Variants in SNX30 observed in about 807,000 individuals in gnomAD.
SNX30 encodes sorting nexin family member 30.
A neutral mutation model predicts 46.4 loss-of-function variants in SNX30; 24 were observed. That is an observed-to-expected ratio of 0.52 (90% CI 0.37 to 0.73). SNX30 has a LOEUF of 0.73. Among genes scored for constraint, SNX30 ranks in the 30% least tolerant of loss-of-function variants. The pLI is 0.00. For missense variants in SNX30, 533 were observed against 555.7 expected, an observed-to-expected ratio of 0.96 and a Z score of 0.41; for synonymous variants, 189 against 211.5, an observed-to-expected ratio of 0.89 and a Z score of 0.92.
intron 5 of SNX30, among the ~76,000 whole-genome samples, chr9:112,838,257 T>C (rs1840795663): frequency 6.6e-6 from 1 of 152,192 alleles, no homozygotes; most frequent in Non-Finnish European, 1.5e-5. Context: ...AGGCCCATTA[T>C]CCAGAGGGAT....
intron 1 of SNX30, among the ~76,000 whole-genome samples, chr9:112,786,116 CCTT>C (rs1839919983): frequency 1.5e-5 from 1 of 65,874 alleles, no homozygotes; most frequent in Admixed American, 2.6e-4. Context: ...TAGGAGCTGT[CCTT>C]TTTTTTTTTT....
At chr9:112,851,080 C>A in intron 7 of SNX30, 135 bp downstream of exon 7, 1 of 559,932 alleles carries the variant, frequency 1.8e-6, no homozygotes, top group Non-Finnish European at 3.2e-6. Context: ...TGTCCTTTTT[C>A]ACTCCCTTTT....
intron 4 of SNX30, among the ~76,000 whole-genome samples, chr9:112,832,485 T>A (rs369260455): frequency 0.76 from 98,739 of 129,322 alleles, 36,706 homozygotes; most frequent in South Asian, 0.84. Flanking sequence ...TGTGTGTGTG[T>A]GTGTGTGTGT....
At position 112,804,642 on chromosome 9, in the gene SNX30, G is replaced by C. The variant is rs1292945419; in HGVS notation, c.157-134G>C. On this transcript the variant is annotated intron_variant, in intron 1 of 8. Transcript: ENST00000374232. ...TTGTTCACTCAAGAAACACTGAGTA[G>C]GGAGAGGCTCAGGTGTTTCGAAAGT... 7.4e-6 allele frequency: 5 copies of C among 673,586 alleles called. No individual in the cohort carries two copies. In the East Asian group the frequency reaches 1.3e-4, roughly 18 times the overall value. 41.7% of individuals were successfully genotyped at this position (673,586 alleles called of 1,614,324 possible). A position where few individuals can be genotyped will look rare whatever the true frequency, so the allele number is the denominator to read the frequency against.
rs1841492184 is a variant in SNX30 at position 112,874,461 on chromosome 9, TTGGAC to T, written c.*5619_*5623del. Reference sequence around the variant, plus strand: ...AAAGAAGAGATTAAAAACTTCGGCTTTGGACATGTCCACATTATGGACTGTCATCT... The same window carrying T: ...AAAGAAGAGATTAAAAACTTCGGCTTATGTCCACATTATGGACTGTCATCT... On this transcript the variant is annotated 3_prime_UTR_variant, in exon 9 of 9. Transcript: ENST00000374232. 1 of 152,262 alleles carries T rather than the reference TTGGAC, an allele frequency of 6.6e-6. No homozygotes were observed. Among genetic ancestry groups the T allele is most frequent in the Non-Finnish European group, 1.5e-5 (1 of 68,042 alleles). The allele number at this position is 152,262 out of a possible 1,614,324, so 9.4% of individuals were successfully genotyped here. A position where few individuals can be genotyped will look rare whatever the true frequency, so the allele number is the denominator to read the frequency against.
chr9:112,783,185 T>C (rs372475547), intron 1 of SNX30, among the ~76,000 whole-genome samples: 2 of 152,304 alleles, frequency 1.3e-5, no homozygotes, highest in African/African-American at 4.8e-5. Flanking sequence ...AGGTAACTGT[T>C]TAATGAAATC....
chr9:112,813,045 G>T (rs562946598), intron 2 of SNX30, among the ~76,000 whole-genome samples: 1 of 152,248 alleles, frequency 6.6e-6, no homozygotes, highest in Non-Finnish European at 1.5e-5. Flanking sequence ...TACTTGGGAG[G>T]CTAAGGCAGG....
At chr9:112,837,460 T>C (rs1840775662) in intron 5 of SNX30, among the ~76,000 whole-genome samples, 1 of 152,076 alleles carries the variant, frequency 6.6e-6, no homozygotes, top group African/African-American at 2.4e-5. Flanking sequence ...TGACTGTTTT[T>C]GTTTTTCGTT....
intron 8 of SNX30, 25 bp from the exon 9 acceptor site, chr9:112,868,759 C>CTG (rs771289619): frequency 6.2e-7 from 1 of 1,613,672 alleles, no homozygotes; most frequent in South Asian, 1.1e-5. Context: ...AAAGCTGATA[C>CTG]TGTGTGTGTA....
downstream of SNX30, among the ~76,000 whole-genome samples, chr9:112,882,096 TTTG>T (rs769375459): frequency 1.6e-4 from 24 of 151,982 alleles, no homozygotes; most frequent in Non-Finnish European, 2.1e-4. Context: ...ACATTCATTT[TTTG>T]TTGTTGTTGT....
intron 6 of SNX30, among the ~76,000 whole-genome samples, chr9:112,847,335 C>G (rs1229291565): frequency 2.3e-4 from 35 of 152,200 alleles, no homozygotes; most frequent in Admixed American, 2.3e-3. Flanking sequence ...GGTTCTGTCT[C>G]TCTGTCACGC....
At chr9:112,831,730 G>C (rs1326323144) in intron 4 of SNX30, among the ~76,000 whole-genome samples, 1 of 152,248 alleles carries the variant, frequency 6.6e-6, no homozygotes, top group Non-Finnish European at 1.5e-5. Flanking sequence ...GTCCTACACA[G>C]TTGCCAGATT....
intron 3 of SNX30, among the ~76,000 whole-genome samples, chr9:112,828,262 C>A (rs1465272352): frequency 1.3e-5 from 2 of 152,124 alleles, no homozygotes; most frequent in Non-Finnish European, 2.9e-5. Flanking sequence ...TTTTACTGTA[C>A]CTTTTCTACA....
rs751486142 is a variant in SNX30, at chr9:112,873,482, T to C, written c.*4639T>C. ...AATCAGTTGTTCAGCTTCAATAATA[T>C]AGAGATCTAACATAGTCAGTCCTCA... On this transcript the variant is annotated 3_prime_UTR_variant, in exon 9 of 9. Transcript: ENST00000374232. The C allele has an allele frequency of 6.6e-6, 1 of 152,168 alleles. No homozygotes were observed. Among genetic ancestry groups the C allele is most frequent in the African/African-American group, 2.4e-5 (1 of 41,448 alleles). 9.4% of individuals were successfully genotyped at this position (152,168 alleles called of 1,614,324 possible). A position where few individuals can be genotyped will look rare whatever the true frequency, so the allele number is the denominator to read the frequency against.
rs879765074 is a variant in SNX30, at chr9:112,809,868, C to CT, written c.348+4911dup. 7.9e-3 allele frequency among the ~76,000 whole-genome samples: 1,145 copies of CT among 145,222 alleles called. 18 individuals carry two copies. Among genetic ancestry groups the CT allele is most frequent in the African/African-American group, 0.026 (1,045 of 39,670 alleles). On this transcript the variant is annotated intron_variant, in intron 2 of 8. Transcript: ENST00000374232. ...GGCATGGGTTTGAGGGAGAGGGAGG[C>CT]TTTTTTTTTTGGACTGCTGCTGTTT...
At chr9:112,866,253 T>C (rs7869100) in intron 8 of SNX30, among the ~76,000 whole-genome samples, 143,660 of 152,136 alleles carry the variant, frequency 0.94, 67,898 homozygotes, top group East Asian at 1. Context: ...GAGAAAATAC[T>C]AGGGGGCATA....
chr9:112,804,091 G>A (rs1840182669), intron 1 of SNX30, among the ~76,000 whole-genome samples: 1 of 150,314 alleles, frequency 6.7e-6, no homozygotes, highest in Non-Finnish European at 1.5e-5. Context: ...AGAAATCACC[G>A]TCTTCTGCGT....
rs576157133 is a variant in SNX30 at position 112,855,986 on chromosome 9, G to A, written c.1101+5041G>A. 2.8e-4 allele frequency among the ~76,000 whole-genome samples: 43 copies of A among 152,254 alleles called. No homozygotes were observed. The Middle Eastern group carries it at 0.017, about 60-fold the overall frequency. Reference sequence around the variant, plus strand: ...ATTTTAAATGGCACCGGGAGCATCCGCACCTTCGAATGACAGTGAGGGTAA... The same window carrying A: ...ATTTTAAATGGCACCGGGAGCATCCACACCTTCGAATGACAGTGAGGGTAA... On this transcript the variant is annotated intron_variant, in intron 7 of 8. Transcript: ENST00000374232.
chr9:112,830,168 A>G (rs1840638916), intron 3 of SNX30, among the ~76,000 whole-genome samples: 1 of 152,200 alleles, frequency 6.6e-6, no homozygotes, highest in African/African-American at 2.4e-5. Flanking sequence ...TAAGGGGAAT[A>G]AAGGAAATTA....
Sources: gnomAD v4.1 joint callset for allele counts (sites outside exome capture counted in the v4.1 genomes callset) on GRCh38, gnomAD v4.1.1 for gene constraint, MANE v1.5 for transcripts, NCBI Gene and HGNC (gene_info 2026-07-23, HGNC 2026-07-21) for gene names.